SCARF2: variants seen among roughly 807,000 people sequenced by gnomAD.
The protein encoded by SCARF2 is scavenger receptor class F member 2, also known as scavenger receptor expressed by endothelial cells 2 protein.
SCARF2 carries 39 observed loss-of-function variants against 73.4 expected under a neutral mutation model. That is an observed-to-expected ratio of 0.53 (90% CI 0.41 to 0.69). SCARF2 has a LOEUF of 0.69. SCARF2 is among the 30% of genes least tolerant of loss of function. The pLI is 0.00. For missense variants in SCARF2, 1,148 were observed against 1,303.5 expected, an observed-to-expected ratio of 0.88 and a Z score of 1.84; for synonymous variants, 605 against 590.0, an observed-to-expected ratio of 1.03 and a Z score of -0.37.
Position 20,430,833 on chromosome 22 carries a change from G to T in SCARF2, c.930C>A (p.Asn310Lys), listed in dbSNP as rs757355591. The T allele has an allele frequency of 6.2e-6, 10 of 1,606,986 alleles. No individual in the cohort carries two copies. Among genetic ancestry groups the T allele is most frequent in the Non-Finnish European group, 8.5e-6 (10 of 1,177,928 alleles). Residue 310 changes from asparagine (N) to lysine (K), a missense_variant, in exon 5 of 11, where the codon AAC (asparagine) becomes AAA (lysine). This residue lies in a region of SCARF2 where 372 missense variants were observed against 532.0 expected (regional missense o/e 0.70). Coordinates refer to ENST00000622235, the MANE Select transcript of SCARF2 (RefSeq NM_182895.5). ...CGCAAGGCTGGTCGCACTTGGTTCC[G>T]TTCCAGCCGGGCTCGCACGTCAAGC... ...GRCLTCEPGW[N>K]GTKCDQPCAT...
chr22:20,433,286 C>T lies in SCARF2; in HGVS notation c.174-1298G>A, dbSNP rs150863200. Among the ~76,000 whole-genome samples, 3 of 152,312 alleles carry T rather than the reference C, an allele frequency of 2.0e-5. No individual in the cohort carries two copies. The East Asian group carries it at 5.8e-4, about 29-fold the overall frequency. ...GCGGGATCCTAGGTTCCCAGCCGAC[C>T]CAGAACTTCGCCTCGATCCTAAAGG... On this transcript the variant is annotated intron_variant, in intron 1 of 10. Coordinates refer to ENST00000622235, the MANE Select transcript of SCARF2 (RefSeq NM_182895.5).
At position 20,430,395 on chromosome 22, in the gene SCARF2, GC is replaced by G; in HGVS notation, c.1202+33del. 3.8e-6 allele frequency: 6 copies of G among 1,571,390 alleles called. No individual in the cohort carries two copies. In the South Asian group the frequency reaches 6.9e-5, roughly 18 times the overall value. On this transcript the variant is annotated intron_variant, in intron 6 of 10. Transcript: ENST00000622235. ...GGACCCCCCTCTGTGGCAGGTACAA[GC>G]CCCCAACCCCCTCCCGGTCCCGGGG...
chr22:20,426,349 G>T lies in SCARF2; in HGVS notation c.1694-67C>A, dbSNP rs924791006. The stretch of plus-strand genomic sequence containing the variant: ...CCTTTAGGGGCTCCAACCTCCAGGC[G>T]CAAACCTTCACCTTTCCTCCTCTAC... On this transcript the variant is annotated intron_variant, in intron 10 of 10. Transcript: ENST00000622235. The T allele has an allele frequency of 1.1e-5, 16 of 1,502,050 alleles. No homozygotes were observed. The Admixed American group carries it at 3.0e-4, about 29-fold the overall frequency. 93.0% of individuals were successfully genotyped at this position (1,502,050 alleles called of 1,614,324 possible). A position where few individuals can be genotyped will look rare whatever the true frequency, so the allele number is the denominator to read the frequency against.
rs1470772244 is a variant in SCARF2 at position 20,425,957 on chromosome 22, G to T, written c.2019C>A (p.Ser673Arg). 1.3e-6 allele frequency: 2 copies of T among 1,594,236 alleles called. No homozygotes were observed. The highest frequency in any genetic ancestry group is 8.5e-7 in the Non-Finnish European group (1 of 1,174,692). Reference protein sequence around the residue: ...PKVSWIHGKHSAAAAGRAPSP... With the variant: ...PKVSWIHGKHRAAAAGRAPSP... ...AGGGCGCACGGCCAGCTGCAGCGGCGCTGTGCTTGCCGTGGATCCAGGACA... is the reference window on the plus strand; with the variant it reads ...AGGGCGCACGGCCAGCTGCAGCGGCTCTGTGCTTGCCGTGGATCCAGGACA... Residue 673 changes from serine (S) to arginine (R), a missense_variant, in exon 11 of 11, where the codon AGC (serine) becomes AGA (arginine). Ser to Arg is a moderately radical substitution (Grantham distance 110, BLOSUM62 -1). This residue lies in a region of SCARF2 where 437 missense variants were observed against 433.6 expected (regional missense o/e 1.01). Transcript: ENST00000622235. The surrounding 1 kb of genome is among the most constrained non-coding windows in gnomAD (Gnocchi z 4.6).
In SCARF2 at chr22:20,425,789, C is replaced by T. The variant is rs762551525; in HGVS notation, c.2187G>A (p.Glu729=). The change falls in exon 11 of 11, where the codon GAG becomes GAA. Residue 729 remains glutamate (E), a synonymous_variant. Transcript: ENST00000622235. This position sits in a 1 kb window ranked among gnomAD's most constrained non-coding sequence, Gnocchi z 4.6. ...PTPRPPGLPE[E]ATALAAPSPP... is the part of the protein sequence containing the mutation. ...GCGAGGGCGCAGCGAGGGCTGTCGC[C>T]TCCTCGGGCAGCCCGGGGGGCCGCG... 2.1e-5 allele frequency: 30 copies of T among 1,446,430 alleles called. No individual in the cohort carries two copies. The Admixed American group carries it at 5.6e-4, about 27-fold the overall frequency. The allele number at this position is 1,446,430 out of a possible 1,614,324, so 89.6% of individuals were successfully genotyped here.
intron 9 of SCARF2, among the ~76,000 whole-genome samples, chr22:20,428,239 C>T (rs1222015044): frequency 1.5e-4 from 20 of 133,292 alleles, no homozygotes; most frequent in African/African-American, 5.3e-4. Flanking sequence ...TCCCTCCCTT[C>T]CTTCTCTTTC....
chr22:20,426,474 T>C (rs2052579838), intron 10 of SCARF2, among the ~76,000 whole-genome samples, 192 bp from the exon 11 acceptor site: 1 of 152,206 alleles, frequency 6.6e-6, no homozygotes, highest in South Asian at 2.1e-4. Flanking sequence ...TGCGGCTGAC[T>C]CTGAACTCAG....
In SCARF2 at chr22:20,429,350, C is replaced by T. The variant is rs550437230; in HGVS notation, c.1425-10G>A. 65 of 506,906 alleles carry T rather than the reference C, an allele frequency of 1.3e-4. 1 individual carries two copies. The highest frequency in any genetic ancestry group is 9.3e-4 in the South Asian group (57 of 61,150). The allele number at this position is 506,906 out of a possible 1,614,324, so 31.4% of individuals were successfully genotyped here. On this transcript the variant is annotated splice_polypyrimidine_tract_variant and intron_variant, in intron 8 of 10. Coordinates refer to ENST00000622235, the MANE Select transcript of SCARF2 (RefSeq NM_182895.5). This position sits in a 1 kb window ranked among gnomAD's most constrained non-coding sequence, Gnocchi z 5.2. The stretch of plus-strand genomic sequence containing the variant: ...CCCAAGCGAAAGCTCCCTGCGGGGG[C>T]GGGGTCTGAGCGGAGGGGCGGGGCC...
intron 1 of SCARF2, among the ~76,000 whole-genome samples, chr22:20,433,819 G>A (rs921342116): frequency 6.6e-6 from 1 of 152,354 alleles, no homozygotes; most frequent in African/African-American, 2.4e-5. Flanking sequence ...GGGAGACCCA[G>A]GTCTGCTGGC....
chr22:20,427,312 C>T (rs2052589674), intron 10 of SCARF2, 86 bp downstream of exon 10: 2 of 1,533,016 alleles, frequency 1.3e-6, no homozygotes, highest in Admixed American at 1.8e-5. Flanking sequence ...GCTGCCTGCC[C>T]TTCTCCTGTG....
rs556400544 is a variant in SCARF2, at chr22:20,429,510, G to T, written c.1424+26C>A. 1 of 1,610,286 alleles carries T rather than the reference G, an allele frequency of 6.2e-7. No homozygotes were observed. The highest frequency in any genetic ancestry group is 2.2e-5 in the East Asian group (1 of 44,822). On this transcript the variant is annotated intron_variant, in intron 8 of 10. Transcript: ENST00000622235. The surrounding 1 kb of genome is among the most constrained non-coding windows in gnomAD (Gnocchi z 5.2). ...CAGAGGGTGCGGCCTGAACCCAGGCGAAAGCGGGGCAGTATCTGGGCTCAC... is the reference window on the plus strand; with the variant it reads ...CAGAGGGTGCGGCCTGAACCCAGGCTAAAGCGGGGCAGTATCTGGGCTCAC...
Position 20,429,794 on chromosome 22 carries a change from G to T in SCARF2, c.1242C>A (p.Asp414Glu). ...VTCPPGLHGA[D>E]CAQACSCHED... is the part of the protein sequence containing the mutation. ...CGTGGCAGCTGCAGGCCTGAGCACAGTCCGCGCCGTGGAGTCCGGGCGGGC... is the reference window on the plus strand; with the variant it reads ...CGTGGCAGCTGCAGGCCTGAGCACATTCCGCGCCGTGGAGTCCGGGCGGGC... The change falls in exon 7 of 11, where the codon GAC (aspartate) becomes GAA (glutamate). Residue 414 changes from aspartate to glutamate, a missense_variant. Physicochemically the swap from Asp to Glu is conservative, Grantham distance 45. Coordinates refer to ENST00000622235, the MANE Select transcript of SCARF2 (RefSeq NM_182895.5). This position sits in a 1 kb window ranked among gnomAD's most constrained non-coding sequence, Gnocchi z 5.2. The T allele has an allele frequency of 6.2e-7, 1 of 1,613,410 alleles. No individual in the cohort carries two copies. The highest frequency in any genetic ancestry group is 1.1e-5 in the South Asian group (1 of 91,082).
Position 20,429,640 on chromosome 22 carries a change from G to A in SCARF2, c.1320C>T (p.Arg440=). Residue 440 remains arginine (R), a synonymous_variant, in exon 8 of 11, where the codon CGC becomes CGT. Transcript: ENST00000622235. This position sits in a 1 kb window ranked among gnomAD's most constrained non-coding sequence, Gnocchi z 5.2. The part of the protein sequence containing the change: ...TGACHLETNQ[R]KGVMGAGALL... ...GCGCGCCCGCGCCCATCACGCCCTTGCGCTGGTTGGTTTCTGTAGGGGGTT... is the reference window on the plus strand; with the variant it reads ...GCGCGCCCGCGCCCATCACGCCCTTACGCTGGTTGGTTTCTGTAGGGGGTT... The A allele has an allele frequency of 1.2e-6, 2 of 1,613,932 alleles. No individual in the cohort carries two copies. The highest frequency in any genetic ancestry group is 1.7e-6 in the Non-Finnish European group (2 of 1,179,944).
intron 6 of SCARF2, among the ~76,000 whole-genome samples, chr22:20,430,214 G>A (rs2052626757): frequency 6.6e-6 from 1 of 152,212 alleles, no homozygotes; most frequent in Admixed American, 6.5e-5. Context: ...ACTGACACAG[G>A]CTGGACTGGT....
In SCARF2 at chr22:20,429,986, C is replaced by G. The variant is rs2052624476; in HGVS notation, c.1203-153G>C. ...TCGTCTAGGGATTGAAGCCCCGCCC[C>G]GCCCGTGGCACATATTGGGTAGTGG... On this transcript the variant is annotated intron_variant, in intron 6 of 10. Coordinates refer to ENST00000622235, the MANE Select transcript of SCARF2 (RefSeq NM_182895.5). This position sits in a 1 kb window ranked among gnomAD's most constrained non-coding sequence, Gnocchi z 5.2. The G allele has an allele frequency of 2.7e-6, 2 of 731,512 alleles. No homozygotes were observed. Among genetic ancestry groups the G allele is most frequent in the Non-Finnish European group, 4.5e-6 (2 of 441,794 alleles). 45.3% of individuals were successfully genotyped at this position (731,512 alleles called of 1,614,324 possible).
Position 20,437,572 on chromosome 22 carries a change from C to A in SCARF2, c.173+10G>T. 2 of 1,571,364 alleles carry A rather than the reference C, an allele frequency of 1.3e-6. No homozygotes were observed. Among genetic ancestry groups the A allele is most frequent in the African/African-American group, 1.4e-5 (1 of 73,848 alleles). ...CTCTCGCCCCCTCCCCCAGCCAGGC[C>A]GGCTCCTACCCGGGAGCACGGCACA... On this transcript the variant is annotated intron_variant, in intron 1 of 10. Coordinates refer to ENST00000622235, the MANE Select transcript of SCARF2 (RefSeq NM_182895.5).
At position 20,424,598 on chromosome 22, in the gene SCARF2, T is replaced by G. The variant is rs552111285; in HGVS notation, c.*777A>C. Among the ~76,000 whole-genome samples the G allele has an allele frequency of 2.6e-5, 4 of 152,318 alleles. No homozygotes were observed. Among genetic ancestry groups the G allele is most frequent in the African/African-American group, 9.6e-5 (4 of 41,580 alleles). ...TGATCAGAGCATGAGGGGAAAGGCA[T>G]TTTATTAAGAAAGCTTTGGCCAAGC... is the stretch of plus-strand genomic sequence containing the variant. On this transcript the variant is annotated 3_prime_UTR_variant, in exon 11 of 11. Coordinates refer to ENST00000622235, the MANE Select transcript of SCARF2 (RefSeq NM_182895.5).
At chr22:20,428,196 A>C (rs1167823995) in intron 9 of SCARF2, among the ~76,000 whole-genome samples, 1 of 150,822 alleles carries the variant, frequency 6.6e-6, no homozygotes, top group African/African-American at 2.4e-5. Context: ...TTCTTTCGAC[A>C]GTTTTGGGGT....
intron 1 of SCARF2, among the ~76,000 whole-genome samples, chr22:20,435,172 C>T (rs1431599481): frequency 6.6e-6 from 1 of 152,044 alleles, no homozygotes; most frequent in East Asian, 1.9e-4. Context: ...TCAGATAACC[C>T]TGCCTGTCCT....
Sources: allele counts gnomAD v4.1 joint callset (sites outside exome capture counted in the v4.1 genomes callset), GRCh38; gene constraint gnomAD v4.1.1; regional missense constraint gnomAD v4.1.1; non-coding constraint Gnocchi (gnomAD v3.1); transcripts MANE v1.5; gene names NCBI Gene and HGNC (gene_info 2026-07-23, HGNC 2026-07-21).